The following ZNF236 variants were observed in gnomAD, a reference collection of about 807,000 sequenced individuals.
ZNF236 encodes the protein zinc finger protein 236, also known as regulated by glucose.
In ZNF236, 50 loss-of-function variants were observed where a neutral mutation model predicts 191.2. The ratio of observed to expected loss-of-function variants is 0.26; its 90% confidence interval spans 0.21 to 0.33. The LOEUF (loss-of-function observed/expected upper bound fraction) is 0.33. ZNF236 is among the 10% of genes least tolerant of loss of function. ZNF236 has a pLI of 1.00. For missense variants in ZNF236, 1,754 were observed against 2,374.5 expected, an observed-to-expected ratio of 0.74 and a Z score of 5.43; for synonymous variants, 907 against 928.8, an observed-to-expected ratio of 0.98 and a Z score of 0.43.
chr18:76,966,592 G>A (rs28380379), intron 30 of ZNF236, among the ~76,000 whole-genome samples: 2 of 152,044 alleles, frequency 1.3e-5, no homozygotes, highest in Non-Finnish European at 2.9e-5. Flanking sequence ...CCTGCAGCAT[G>A]CAGTTCAGGT....
chr18:76,871,696 A>C lies in ZNF236; in HGVS notation c.543-5A>C, dbSNP rs1976588631. The C allele has an allele frequency of 2.5e-6, 4 of 1,614,160 alleles. No individual in the cohort carries two copies. Among genetic ancestry groups the C allele is most frequent in the Middle Eastern group, 1.6e-4 (1 of 6,062 alleles). On this transcript the variant is annotated splice_region_variant and splice_polypyrimidine_tract_variant and intron_variant, in intron 4 of 30. Transcript: ENST00000320610. ...TGTGTATTTTGCCCCCCTTTATTAC[A>C]CTAGGGTATCAAGTACAAGGTCTTA...
chr18:76,948,851 C>G (rs949460697), intron 27 of ZNF236, among the ~76,000 whole-genome samples: 1 of 152,176 alleles, frequency 6.6e-6, no homozygotes, highest in African/African-American at 2.4e-5. Context: ...GGTCCAGGTC[C>G]CCAGATGAAA....
In ZNF236 at chr18:76,875,535, C is replaced by A; in HGVS notation, c.711C>A (p.Asn237Lys). ...FKCSECGKAF[N>K]QKGALQTHMI... ...GTAGTGAATGTGGAAAGGCTTTTAA[C>A]CAGAAGGGGGCACTGCAGACCCACA... The change falls in exon 6 of 31, where the codon AAC becomes AAA. Residue 237 changes from asparagine (N) to lysine (K), a missense_variant. Transcript: ENST00000320610. This position sits in a 1 kb window ranked among gnomAD's most constrained non-coding sequence, Gnocchi z 4.3. 1 of 1,577,292 alleles carries A rather than the reference C, an allele frequency of 6.3e-7. No homozygotes were observed. Among genetic ancestry groups the A allele is most frequent in the Non-Finnish European group, 8.6e-7 (1 of 1,159,008 alleles).
chr18:76,944,345 C>G (rs542870002), intron 26 of ZNF236, among the ~76,000 whole-genome samples: 29 of 152,150 alleles, frequency 1.9e-4, no homozygotes, highest in African/African-American at 5.8e-4. Flanking sequence ...AGTAAAGAAA[C>G]CAACTGCAAA....
At chr18:76,855,733 G>A (rs1976022776) in intron 3 of ZNF236, among the ~76,000 whole-genome samples, 2 of 152,142 alleles carry the variant, frequency 1.3e-5, no homozygotes, top group Admixed American at 6.5e-5. Context: ...GAGGACATTT[G>A]GTTATCACTG....
chr18:76,900,268 C>A (rs1977550783), intron 11 of ZNF236, among the ~76,000 whole-genome samples: 1 of 152,028 alleles, frequency 6.6e-6, no homozygotes, highest in Admixed American at 6.5e-5. Context: ...TTGTGTGAAT[C>A]TGAGAGTTTA....
chr18:76,914,356 G>T (rs1967299739), intron 18 of ZNF236, among the ~76,000 whole-genome samples: 1 of 152,146 alleles, frequency 6.6e-6, no homozygotes, highest in African/African-American at 2.4e-5. Flanking sequence ...TCCATATTTT[G>T]TTTATTATGA....
intron 3 of ZNF236, among the ~76,000 whole-genome samples, chr18:76,859,936 G>A (rs1235124661): frequency 2.0e-5 from 3 of 152,138 alleles, no homozygotes; most frequent in African/African-American, 4.8e-5. Flanking sequence ...GCCTGAGTGG[G>A]GCACATCTGT....
At chr18:76,939,994 A>G (rs375400548) in intron 26 of ZNF236, among the ~76,000 whole-genome samples, 7 of 140,060 alleles carry the variant, frequency 5.0e-5, no homozygotes, top group Admixed American at 1.4e-4. Flanking sequence ...ACGGTGGGCT[A>G]CCCTAGCACT....
At chr18:76,867,084 G>A (rs1410111189) in intron 3 of ZNF236, among the ~76,000 whole-genome samples, 1 of 152,188 alleles carries the variant, frequency 6.6e-6, no homozygotes, top group Admixed American at 6.5e-5. Context: ...AAAAGAGGGT[G>A]GGTGTGAGCC....
chr18:76,954,524 T>C (rs1487766561), intron 27 of ZNF236, among the ~76,000 whole-genome samples: 1 of 152,234 alleles, frequency 6.6e-6, no homozygotes, highest in African/African-American at 2.4e-5. Flanking sequence ...ACATGGAATA[T>C]ATTTTATGCA....
chr18:76,960,941 C>A lies in ZNF236; in HGVS notation c.5419+86C>A. 1 of 1,423,364 alleles carries A rather than the reference C, an allele frequency of 7.0e-7. No homozygotes were observed. The highest frequency in any genetic ancestry group is 1.4e-5 in the South Asian group (1 of 71,410). 88.2% of individuals were successfully genotyped at this position (1,423,364 alleles called of 1,614,324 possible). ...CGCATACATTGTTTCCTTTAGTTCA[C>A]ACAGTGATTTTGCATTGCACGTGGT... On this transcript the variant is annotated intron_variant, in intron 30 of 30. Coordinates refer to ENST00000320610, the MANE Select transcript of ZNF236 (RefSeq NM_001306089.2). This position sits in a 1 kb window ranked among gnomAD's most constrained non-coding sequence, Gnocchi z 4.4.
chr18:76,884,305 G>A (rs1976984227), intron 9 of ZNF236, among the ~76,000 whole-genome samples: 1 of 151,740 alleles, frequency 6.6e-6, no homozygotes, highest in South Asian at 2.1e-4. Context: ...GGAGGCTGAG[G>A]CAGGATAATC....
At chr18:76,963,659 C>T (rs1249873069) in intron 30 of ZNF236, among the ~76,000 whole-genome samples, 1 of 152,044 alleles carries the variant, frequency 6.6e-6, no homozygotes, top group Non-Finnish European at 1.5e-5. Context: ...TACCAATTCT[C>T]CTTTGAATGC....
At chr18:76,830,071 A>T (rs1013326149) in intron 1 of ZNF236, among the ~76,000 whole-genome samples, 1 of 151,986 alleles carries the variant, frequency 6.6e-6, no homozygotes, top group Non-Finnish European at 1.5e-5. Flanking sequence ...GGGGTTCACC[A>T]TGTTGGCCAG....
chr18:76,904,079 A>G (rs2122738696), intron 11 of ZNF236, among the ~76,000 whole-genome samples: 1 of 151,568 alleles, frequency 6.6e-6, no homozygotes, highest in African/African-American at 2.4e-5. Flanking sequence ...AAGGGAAGTA[A>G]TTGTGACTAG....
At chr18:76,962,012 G>T (rs1968678548) in intron 30 of ZNF236, among the ~76,000 whole-genome samples, 1 of 152,180 alleles carries the variant, frequency 6.6e-6, no homozygotes, top group Non-Finnish European at 1.5e-5. Context: ...CTCCCACTCT[G>T]TGGGTTGTCT....
At chr18:76,908,122 A>T (rs1290562556) in intron 13 of ZNF236, among the ~76,000 whole-genome samples, 198 bp from the exon 14 acceptor site, 1 of 151,696 alleles carries the variant, frequency 6.6e-6, no homozygotes, top group African/African-American at 2.4e-5. Flanking sequence ...CGGTGGAAGC[A>T]CTTAAAGATA....
intron 25 of ZNF236, among the ~76,000 whole-genome samples, chr18:76,936,542 C>CATGCAGGATAAATGAATATTTAAAGG (rs1400509440): frequency 6.6e-6 from 1 of 152,168 alleles, no homozygotes; most frequent in Non-Finnish European, 1.5e-5. Context: ...ATTAAGATGT[C>CATGCAGGATAAATGAATATTTAAAGG]ATGCAGGATA....
Sources: allele counts gnomAD v4.1 joint callset (sites outside exome capture counted in the v4.1 genomes callset), GRCh38; gene constraint gnomAD v4.1.1; non-coding constraint Gnocchi (gnomAD v3.1); transcripts MANE v1.5; gene names NCBI Gene and HGNC (gene_info 2026-07-23, HGNC 2026-07-21).